The following LYST variants were observed in gnomAD, a reference collection of about 807,000 sequenced individuals.
LYST encodes the protein lysosomal-trafficking regulator.
In LYST, 192 loss-of-function variants were observed where a neutral mutation model predicts 413.6. That is an observed-to-expected ratio of 0.46 (90% confidence interval 0.41 to 0.52). The LOEUF (loss-of-function observed/expected upper bound fraction) is 0.52, where lower values mean the gene tolerates loss of function less well. LYST is among the 20% of genes least tolerant of loss of function. The pLI is 0.00. For missense variants in LYST, 3,815 were observed against 4,499.9 expected (o/e 0.85, Z 4.35); for synonymous variants, 1,525 against 1,567.3 (o/e 0.97, Z 0.64).
At chr1:235,694,021 T>G (rs1326078002) in intron 46 of LYST, among the ~76,000 whole-genome samples, 2 of 150,680 alleles carry the variant, frequency 1.3e-5, no homozygotes, top group Non-Finnish European at 3.0e-5. Flanking sequence ...CTTTTTTTTT[T>G]TTTTTTGAGA....
chr1:235,836,258 G>A (rs1676562279), intron 1 of LYST, among the ~76,000 whole-genome samples: 1 of 152,196 alleles, frequency 6.6e-6, no homozygotes, highest in Admixed American at 6.5e-5. Flanking sequence ...TTTACTGTAT[G>A]TGAGCTACTA....
chr1:235,670,784 C>T (rs1658874087), intron 50 of LYST, among the ~76,000 whole-genome samples: 1 of 152,080 alleles, frequency 6.6e-6, no homozygotes, highest in African/African-American at 2.4e-5. Context: ...CAAGAAACCT[C>T]CAGTGGGGAG....
At chr1:235,678,014 T>C (rs746794308) in intron 48 of LYST, among the ~76,000 whole-genome samples, 1 of 152,212 alleles carries the variant, frequency 6.6e-6, no homozygotes, top group Non-Finnish European at 1.5e-5. Flanking sequence ...ACAACTATCC[T>C]TCATTGATAG....
chr1:235,878,084 C>T (rs1371729618), intron 1 of LYST, among the ~76,000 whole-genome samples: 1 of 152,142 alleles, frequency 6.6e-6, no homozygotes, highest in African/African-American at 2.4e-5. Context: ...CATGTCTGGG[C>T]CCACTTAATA....
At chr1:235,870,214 T>G (rs1467424823), upstream of LYST, among the ~76,000 whole-genome samples, 1 of 152,208 alleles carries the variant, frequency 6.6e-6, no homozygotes, top group Non-Finnish European at 1.5e-5. Flanking sequence ...AAATCAAGTT[T>G]AGCCTAAAGC....
Position 235,733,709 on chromosome 1 carries a change from T to C in LYST, c.8613-18A>G, listed in dbSNP as rs1338350834. On this transcript the variant is annotated intron_variant, in intron 33 of 52. Coordinates refer to ENST00000389793, the MANE Select transcript of LYST (RefSeq NM_000081.4). ...GAAAGAGACTAAACAAATAATAAGA[T>C]TGTCCATAGTTAAGCATACATGGAA... is the stretch of plus-strand genomic sequence containing the variant. 5 of 1,597,108 alleles carry C rather than the reference T, an allele frequency of 3.1e-6. No individual in the cohort carries two copies. Among genetic ancestry groups the C allele is most frequent in the East Asian group, 4.5e-5 (2 of 44,756 alleles).
chr1:235,757,635 G>T (rs546604445), intron 23 of LYST, among the ~76,000 whole-genome samples, 177 bp from the exon 24 acceptor site: 4 of 152,088 alleles, frequency 2.6e-5, no homozygotes, highest in African/African-American at 9.7e-5. Context: ...TTTTATCATT[G>T]ATTTTTTTGG....
intron 30 of LYST, among the ~76,000 whole-genome samples, chr1:235,742,676 TA>T (rs936701149): frequency 6.7e-6 from 1 of 149,972 alleles, no homozygotes. Context: ...AATTATAAAT[TA>T]AAAAAAAGCA....
intron 5 of LYST, among the ~76,000 whole-genome samples, chr1:235,808,253 AC>A (rs1417740722): frequency 6.6e-6 from 1 of 152,212 alleles, no homozygotes; most frequent in East Asian, 1.9e-4. Context: ...TGGAAGGAGA[AC>A]ATTTTTTGTT....
At position 235,721,329 on chromosome 1, in the gene LYST, A is replaced by G. The variant is rs566137202; in HGVS notation, c.9316-424T>C. 3.3e-5 allele frequency among the ~76,000 whole-genome samples: 5 copies of G among 152,350 alleles called. No individual in the cohort carries two copies. In the East Asian group the frequency reaches 7.7e-4, roughly 23 times the overall value. ...CTTCTGTGCTACAGTTACCATGTCT[A>G]TAATATGGGAGTGATAATATTTCTC... On this transcript the variant is annotated intron_variant, in intron 39 of 52. Transcript: ENST00000389793.
chr1:235,729,471 A>G (rs1478770723), intron 37 of LYST, 125 bp downstream of exon 37: 4 of 706,516 alleles, frequency 5.7e-6, no homozygotes, highest in Non-Finnish European at 1.0e-5. Context: ...AAGGCAAATT[A>G]GCCTATATGA....
In LYST at chr1:235,695,026, A is replaced by C. The variant is rs546720500; in HGVS notation, c.10565-1540T>G. On this transcript the variant is annotated intron_variant, in intron 46 of 52. Coordinates refer to ENST00000389793, the MANE Select transcript of LYST (RefSeq NM_000081.4). ...ACCTAACTTTCATCTGTAAGCTACAACATTGTTCAGTCAATGCCTCTCTAG... is the reference window on the plus strand; with the variant it reads ...ACCTAACTTTCATCTGTAAGCTACACCATTGTTCAGTCAATGCCTCTCTAG... 5.7e-4 allele frequency among the ~76,000 whole-genome samples: 87 copies of C among 152,334 alleles called. 1 individual carries two copies. The highest frequency in any genetic ancestry group is 2.0e-3 in the African/African-American group (84 of 41,574).
chr1:235,828,127 A>G (rs936898628), intron 3 of LYST: 1 of 960,442 alleles, frequency 1.0e-6, no homozygotes, highest in African/African-American at 1.8e-5. Flanking sequence ...AAATATTCCC[A>G]AAAGAAAAAT....
chr1:235,861,122 T>C (rs1414854523), intron 1 of LYST, among the ~76,000 whole-genome samples: 1 of 152,220 alleles, frequency 6.6e-6, no homozygotes, highest in African/African-American at 2.4e-5. Context: ...ATTTCTAATA[T>C]GTGTAGTACT....
intron 1 of LYST, among the ~76,000 whole-genome samples, chr1:235,851,323 T>C (rs569669312): frequency 6.6e-6 from 1 of 151,946 alleles, no homozygotes; most frequent in South Asian, 2.1e-4. Context: ...AAACATCATA[T>C]GTTCTCACTG....
intron 22 of LYST, 22 bp from the exon 23 acceptor site, chr1:235,759,621 A>G: frequency 6.3e-7 from 1 of 1,584,456 alleles, no homozygotes. Flanking sequence ...AGATACAAAA[A>G]TACTACTTAA....
At chr1:235,666,264 AC>A (rs1432165862) in intron 50 of LYST, among the ~76,000 whole-genome samples, 43 of 121,216 alleles carry the variant, frequency 3.5e-4, no homozygotes, top group South Asian at 2.4e-4. Context: ...ACACACACAC[AC>A]ACACAATTTT....
chr1:235,856,940 ATTTTTTTTT>A (rs59484092), intron 1 of LYST, among the ~76,000 whole-genome samples: 1 of 121,774 alleles, frequency 8.2e-6, no homozygotes, highest in Non-Finnish European at 1.6e-5. Flanking sequence ...GGATATACTG[ATTTTTTTTT>A]TTTTTTTTTT....
chr1:235,669,913 G>A (rs75421767), intron 50 of LYST, among the ~76,000 whole-genome samples: 3,707 of 152,254 alleles, frequency 0.024, 146 homozygotes, highest in African/African-American at 0.084. Flanking sequence ...GGAGCAGAGT[G>A]GGGGGTGGGG....
Sources: allele counts gnomAD v4.1 joint callset (sites outside exome capture counted in the v4.1 genomes callset), GRCh38; gene constraint gnomAD v4.1.1; transcripts MANE v1.5; gene names NCBI Gene and HGNC (gene_info 2026-07-23, HGNC 2026-07-21).